PRKCB: variants seen among roughly 807,000 people sequenced by gnomAD.
The protein encoded by PRKCB is protein kinase C beta.
In PRKCB, 13 loss-of-function variants were observed where a neutral mutation model predicts 81.5. The ratio of observed to expected loss-of-function variants is 0.16; its 90% confidence interval spans 0.10 to 0.25. The LOEUF (loss-of-function observed/expected upper bound fraction) is 0.25, where lower values mean the gene tolerates loss of function less well. Among genes scored for constraint, PRKCB ranks in the 10% least tolerant of loss-of-function variants. The pLI is 1.00. For missense variants in PRKCB, 509 were observed against 875.7 expected, an observed-to-expected ratio of 0.58 and a Z score of 5.29; for synonymous variants, 335 against 321.4, an observed-to-expected ratio of 1.04 and a Z score of -0.45.
intron 16 of PRKCB, among the ~76,000 whole-genome samples, chr16:24,194,724 C>T (rs978284999): frequency 3.3e-5 from 5 of 152,130 alleles, no homozygotes; most frequent in African/African-American, 1.2e-4. Context: ...AACGAGATCC[C>T]TCAACTGTTC....
chr16:24,125,938 A>G (rs1199002448), intron 9 of PRKCB, among the ~76,000 whole-genome samples: 6 of 152,224 alleles, frequency 3.9e-5, no homozygotes, highest in Admixed American at 2.6e-4. Context: ...ACAACGTTGT[A>G]TGGTTTTTAC....
intron 2 of PRKCB, among the ~76,000 whole-genome samples, chr16:23,971,626 G>A (rs758771727): frequency 2.2e-4 from 33 of 152,172 alleles, no homozygotes; most frequent in Non-Finnish European, 3.8e-4. Flanking sequence ...CTCTGGCCCC[G>A]CTCTGTGATG....
intron 3 of PRKCB, among the ~76,000 whole-genome samples, chr16:24,022,969 C>T (rs549218542): frequency 6.6e-6 from 1 of 152,336 alleles, no homozygotes; most frequent in South Asian, 2.1e-4. Context: ...GGGACAGGCT[C>T]TAGGTGGCCT....
At chr16:24,036,086 ACC>A (rs1965614348) in intron 5 of PRKCB, among the ~76,000 whole-genome samples, 1 of 151,974 alleles carries the variant, frequency 6.6e-6, no homozygotes, top group Non-Finnish European at 1.5e-5. Context: ...TCTTTCTTGA[ACC>A]TGATGGTGGC....
chr16:23,935,729 A>G (rs1411653964), intron 2 of PRKCB, among the ~76,000 whole-genome samples: 1 of 152,234 alleles, frequency 6.6e-6, no homozygotes, highest in South Asian at 2.1e-4. Context: ...CTTTGCAGCA[A>G]CATGGATGGA....
At chr16:23,858,290 T>G (rs1179877287) in intron 2 of PRKCB, among the ~76,000 whole-genome samples, 2 of 137,562 alleles carry the variant, frequency 1.5e-5, no homozygotes, top group African/African-American at 2.7e-5. Context: ...GTAGATTGAA[T>G]TCAGGTCCAT....
intron 2 of PRKCB, among the ~76,000 whole-genome samples, chr16:23,900,186 G>T (rs1301864828): frequency 6.6e-6 from 1 of 152,110 alleles, no homozygotes; most frequent in Non-Finnish European, 1.5e-5. Context: ...ACAAAGAATT[G>T]ACCAGTCCAC....
intron 2 of PRKCB, among the ~76,000 whole-genome samples, chr16:23,945,491 G>T (rs915495031): frequency 2.0e-5 from 3 of 152,190 alleles, no homozygotes; most frequent in Non-Finnish European, 2.9e-5. Context: ...GGGAGGTTGT[G>T]TGTGTCCACG....
chr16:24,098,036 T>C (rs1966464553), intron 7 of PRKCB, among the ~76,000 whole-genome samples: 1 of 152,164 alleles, frequency 6.6e-6, no homozygotes, highest in Non-Finnish European at 1.5e-5. Context: ...TAATGAGACA[T>C]CGTGTCTGAC....
chr16:23,867,971 A>T (rs983314953), intron 2 of PRKCB, among the ~76,000 whole-genome samples: 30 of 83,814 alleles, frequency 3.6e-4, no homozygotes, highest in African/African-American at 1.4e-3. Context: ...GGTTGCTAAA[A>T]GCATCCATCA....
chr16:23,982,620 A>C (rs141784644), intron 2 of PRKCB, among the ~76,000 whole-genome samples: 1 of 151,902 alleles, frequency 6.6e-6, no homozygotes, highest in Non-Finnish European at 1.5e-5. Context: ...TTAGAGATGG[A>C]GTCTTGCCAT....
chr16:24,000,292 C>T (rs958076161), intron 3 of PRKCB, among the ~76,000 whole-genome samples: 1 of 152,118 alleles, frequency 6.6e-6, no homozygotes, highest in Non-Finnish European at 1.5e-5. Context: ...TCATAGATGG[C>T]CTCATCAAAA....
At chr16:24,124,729 A>G (rs1451212200) in intron 9 of PRKCB, among the ~76,000 whole-genome samples, 3 of 152,192 alleles carry the variant, frequency 2.0e-5, no homozygotes, top group Non-Finnish European at 2.9e-5. Context: ...GATGTCTAGC[A>G]TAAATCTCAT....
chr16:23,930,794 G>A (rs974585782), intron 2 of PRKCB, among the ~76,000 whole-genome samples: 3 of 152,102 alleles, frequency 2.0e-5, no homozygotes, highest in Admixed American at 6.5e-5. Context: ...ACGACACATA[G>A]ATAACATTTA....
At chr16:24,062,934 G>A (rs1965991010) in intron 5 of PRKCB, among the ~76,000 whole-genome samples, 1 of 151,778 alleles carries the variant, frequency 6.6e-6, no homozygotes, top group African/African-American at 2.4e-5. Context: ...TTCCTTTTTA[G>A]TTTCTGATTG....
At chr16:24,037,602 C>A (rs562428812) in intron 5 of PRKCB, among the ~76,000 whole-genome samples, 1 of 152,026 alleles carries the variant, frequency 6.6e-6, no homozygotes, top group Non-Finnish European at 1.5e-5. Flanking sequence ...TGCCCTCCAC[C>A]GTATTTATTC....
At chr16:23,981,564 TCTTTCCTTTCTTTTC>T (rs1366282796) in intron 2 of PRKCB, among the ~76,000 whole-genome samples, 1 of 142,496 alleles carries the variant, frequency 7.0e-6, no homozygotes, top group South Asian at 2.4e-4. Flanking sequence ...TGGCCTTTCT[TCTTTCCTTTCTTTTC>T]CTTTCCTTTC....
intron 5 of PRKCB, among the ~76,000 whole-genome samples, chr16:24,052,817 G>A (rs1440848202): frequency 6.6e-6 from 1 of 152,136 alleles, no homozygotes; most frequent in East Asian, 1.9e-4. Flanking sequence ...AGGTCTTTGT[G>A]ACCTGTACCT....
chr16:24,218,377 G>A lies in PRKCB; in HGVS notation c.*3561G>A, dbSNP rs1968264768. On this transcript the variant is annotated 3_prime_UTR_variant, in exon 17 of 17. Coordinates refer to ENST00000643927, the MANE Select transcript of PRKCB (RefSeq NM_002738.7). ...ATAGCACCCCACAGGCTAACAGCAA[G>A]CAGGACAAGACAAAAAGGGCAGGTG... The A allele has an allele frequency of 1.0e-6, 1 of 985,236 alleles. No homozygotes were observed. Among genetic ancestry groups the A allele is most frequent in the Non-Finnish European group, 1.2e-6 (1 of 829,924 alleles). The allele number at this position is 985,236 out of a possible 1,614,324, so 61.0% of individuals were successfully genotyped here. A position where few individuals can be genotyped will look rare whatever the true frequency, so the allele number is the denominator to read the frequency against.
Sources: gnomAD v4.1 joint callset for allele counts (sites outside exome capture counted in the v4.1 genomes callset) on GRCh38, gnomAD v4.1.1 for gene constraint, MANE v1.5 for transcripts, NCBI Gene and HGNC (gene_info 2026-07-23, HGNC 2026-07-21) for gene names.